Variants in TOGARAM1 observed in about 807,000 individuals in gnomAD.
TOGARAM1 encodes the protein TOG array regulator of axonemal microtubules protein 1.
Under a neutral mutation model 166.6 loss-of-function variants are expected in TOGARAM1, and 100 were observed. The observed-to-expected ratio is 0.60, with a 90% CI of 0.51 to 0.71. The LOEUF (loss-of-function observed/expected upper bound fraction) is 0.71, where lower values mean the gene tolerates loss of function less well. Among genes scored for constraint, TOGARAM1 ranks in the 30% least tolerant of loss-of-function variants. The pLI, the probability that TOGARAM1 is intolerant of heterozygous loss-of-function variation, is 0.00. For missense variants in TOGARAM1, 2,029 were observed against 2,102.7 expected, an observed-to-expected ratio of 0.96 and a Z score of 0.69; for synonymous variants, 758 against 763.8, an observed-to-expected ratio of 0.99 and a Z score of 0.13.
chr14:45,073,783 G>A lies in TOGARAM1; in HGVS notation c.*222G>A. 2.4e-6 allele frequency: 1 copy of A among 413,368 alleles called. No homozygotes were observed. The highest frequency in any genetic ancestry group is 4.3e-6 in the Non-Finnish European group (1 of 233,934). The allele number at this position is 413,368 out of a possible 1,614,324, so 25.6% of individuals were successfully genotyped here. On this transcript the variant is annotated 3_prime_UTR_variant, in exon 20 of 20. Coordinates refer to ENST00000361462, the MANE Select transcript of TOGARAM1 (RefSeq NM_001308120.2). ...TATTCATGAATAATTCATGAAATCT[G>A]AGTCACATGGGATGAATTCAATTTT...
At chr14:45,009,972 C>T (rs1879695357) in intron 6 of TOGARAM1, among the ~76,000 whole-genome samples, 2 of 152,170 alleles carry the variant, frequency 1.3e-5, no homozygotes, top group Non-Finnish European at 2.9e-5. Context: ...TTTTACACTC[C>T]TACCAGCTAT....
At chr14:45,046,445 A>G in intron 13 of TOGARAM1, 100 bp from the exon 14 acceptor site, 1 of 1,122,714 alleles carries the variant, frequency 8.9e-7, no homozygotes, top group Non-Finnish European at 1.1e-6. Flanking sequence ...CAAAAAACAA[A>G]ACCAAAATAC....
At chr14:45,008,597 A>G (rs753002543) in intron 5 of TOGARAM1, among the ~76,000 whole-genome samples, 16 of 152,184 alleles carry the variant, frequency 1.1e-4, no homozygotes, top group Non-Finnish European at 1.9e-4. Context: ...ATCTGATTCA[A>G]TGATTCATTT....
intron 7 of TOGARAM1, among the ~76,000 whole-genome samples, chr14:45,019,835 T>C (rs944158682): frequency 1.3e-5 from 2 of 152,098 alleles, no homozygotes; most frequent in Non-Finnish European, 2.9e-5. Flanking sequence ...ACAGGAAAAC[T>C]CAAGTGCTGT....
chr14:45,041,824 C>T (rs1266519036), intron 11 of TOGARAM1, among the ~76,000 whole-genome samples: 1 of 152,208 alleles, frequency 6.6e-6, no homozygotes, highest in African/African-American at 2.4e-5. Context: ...TGCAGTGGCA[C>T]GATCACAGCT....
At chr14:44,993,009 T>A (rs1887229268) in intron 1 of TOGARAM1, among the ~76,000 whole-genome samples, 1 of 151,768 alleles carries the variant, frequency 6.6e-6, no homozygotes, top group South Asian at 2.1e-4. Flanking sequence ...ACGCCTGTAA[T>A]CTCAGCACTT....
chr14:45,062,319 G>A (rs934405326), intron 16 of TOGARAM1, among the ~76,000 whole-genome samples: 1 of 152,078 alleles, frequency 6.6e-6, no homozygotes, highest in Non-Finnish European at 1.5e-5. Flanking sequence ...TAAATACATT[G>A]AGGATAGTTG....
intron 1 of TOGARAM1, among the ~76,000 whole-genome samples, chr14:44,987,156 A>T (rs1886863411): frequency 2.0e-5 from 3 of 151,572 alleles, no homozygotes; most frequent in African/African-American, 4.8e-5. Context: ...GTTGGCCAGG[A>T]TGGTCTCGAT....
intron 2 of TOGARAM1, among the ~76,000 whole-genome samples, chr14:44,997,573 C>T (rs1887482755): frequency 6.6e-6 from 1 of 151,930 alleles, no homozygotes; most frequent in South Asian, 2.1e-4. Flanking sequence ...CTAAGTGTTA[C>T]AAAAGTAAAT....
chr14:45,007,263 A>C (rs2138848702), intron 5 of TOGARAM1: 1 of 151,682 alleles, frequency 6.6e-6, no homozygotes, highest in Non-Finnish European at 1.5e-5. Context: ...CCTATAAAGT[A>C]CCAAAGTTGG....
Position 45,024,355 on chromosome 14 carries a change from A to G in TOGARAM1, c.3239-1428A>G, listed in dbSNP as rs549932477. On this transcript the variant is annotated intron_variant, in intron 7 of 19. Transcript: ENST00000361462. ...TAACAAAGAAAAAATATATAATGAT[A>G]TTTGTGTGTGAAGAAGCCTTTAAAC... Among the ~76,000 whole-genome samples the G allele has an allele frequency of 1.1e-4, 16 of 152,314 alleles. No homozygotes were observed. In the South Asian group the frequency reaches 3.3e-3, roughly 32 times the overall value.
chr14:44,994,725 G>C (rs1285424271), intron 1 of TOGARAM1, among the ~76,000 whole-genome samples: 2 of 152,018 alleles, frequency 1.3e-5, no homozygotes, highest in Non-Finnish European at 2.9e-5. Flanking sequence ...GGCCTCATCT[G>C]GGCATTCTTA....
At chr14:45,002,797 G>A (rs371022918) in intron 3 of TOGARAM1, among the ~76,000 whole-genome samples, 2 of 152,128 alleles carry the variant, frequency 1.3e-5, no homozygotes, top group South Asian at 2.1e-4. Flanking sequence ...CTAACACGGT[G>A]AAACCCCGTC....
intron 12 of TOGARAM1, 24 bp downstream of exon 12, chr14:45,043,815 T>C: frequency 3.1e-6 from 4 of 1,302,836 alleles, no homozygotes; most frequent in Non-Finnish European, 4.5e-6. Context: ...TCAGATGAGT[T>C]AAGGATTGTT....
chr14:45,019,185 A>G (rs73348060), intron 7 of TOGARAM1, among the ~76,000 whole-genome samples: 7,928 of 152,170 alleles, frequency 0.052, 267 homozygotes, highest in East Asian at 0.13. Flanking sequence ...TTGTCTCTTT[A>G]CCTTCCAAGT....
At chr14:45,061,593 G>A (rs1294891682) in intron 16 of TOGARAM1, among the ~76,000 whole-genome samples, 1 of 152,098 alleles carries the variant, frequency 6.6e-6, no homozygotes. Context: ...ATGAATGAGT[G>A]TTGAATTTTT....
chr14:45,019,393 C>T (rs1408003377), intron 7 of TOGARAM1, among the ~76,000 whole-genome samples: 3 of 152,048 alleles, frequency 2.0e-5, no homozygotes, highest in African/African-American at 7.2e-5. Flanking sequence ...CAGTCATTAT[C>T]TCTTCCATAC....
At chr14:45,036,116 C>G (rs1270301536) in intron 11 of TOGARAM1, among the ~76,000 whole-genome samples, 1 of 43,804 alleles carries the variant, frequency 2.3e-5, no homozygotes, top group South Asian at 8.3e-4. Flanking sequence ...AGCAACAGAA[C>G]AAGACCTTGT....
At chr14:45,068,974 A>G (rs1883260786) in intron 18 of TOGARAM1, among the ~76,000 whole-genome samples, 1 of 152,052 alleles carries the variant, frequency 6.6e-6, no homozygotes, top group Non-Finnish European at 1.5e-5. Flanking sequence ...GAAAATAATA[A>G]TAAATAAACT....
Sources: gnomAD v4.1 joint callset for allele counts (sites outside exome capture counted in the v4.1 genomes callset) on GRCh38, gnomAD v4.1.1 for gene constraint, MANE v1.5 for transcripts, NCBI Gene and HGNC (gene_info 2026-07-23, HGNC 2026-07-21) for gene names.